The following MYH11 variants were observed in gnomAD, a reference collection of about 807,000 sequenced individuals.
MYH11 encodes myosin-11.
MYH11 carries 80 observed loss-of-function variants against 246.6 expected under a neutral mutation model. The ratio of observed to expected loss-of-function variants is 0.32; its 90% CI spans 0.27 to 0.39. MYH11 has a LOEUF of 0.39. MYH11 is among the 10% of genes least tolerant of loss of function. The pLI is 1.00. For missense variants in MYH11, 2,158 were observed against 2,546.8 expected (o/e 0.85, Z 3.29); for synonymous variants, 1,071 against 1,015.5 (o/e 1.05, Z -1.04).
At chr16:15,803,052 A>G (rs1239451647) in intron 3 of MYH11, among the ~76,000 whole-genome samples, 2 of 151,540 alleles carry the variant, frequency 1.3e-5, no homozygotes, top group African/African-American at 4.8e-5. Context: ...CAGGAGAATC[A>G]CTTGAACCCA....
chr16:15,766,307 A>G (rs1402522562), intron 9 of MYH11, among the ~76,000 whole-genome samples: 3 of 151,472 alleles, frequency 2.0e-5, no homozygotes, highest in Non-Finnish European at 4.4e-5. Flanking sequence ...GATAATGGAA[A>G]CCCAGAGTTT....
intron 34 of MYH11, 118 bp downstream of exon 34, chr16:15,720,033 A>C: frequency 7.2e-7 from 1 of 1,390,982 alleles, no homozygotes; most frequent in Non-Finnish European, 1.0e-6. Flanking sequence ...ACCCCAGCTG[A>C]ACCCACACCA....
intron 25 of MYH11, among the ~76,000 whole-genome samples, chr16:15,736,633 C>T (rs79026200): frequency 5.3e-5 from 8 of 152,212 alleles, no homozygotes; most frequent in East Asian, 1.9e-4. Flanking sequence ...CCTTCATCAC[C>T]GTAGCACTGT....
rs2042477691 is a variant in MYH11, at chr16:15,786,702, G to A, written c.561C>T (p.Asn187=). The change falls in exon 5 of 41, where the codon AAC becomes AAT. Residue 187 remains asparagine, a synonymous_variant. Transcript: ENST00000300036. ...CCAGGTACTGAATGACCTTCTTGGTGTTTTCGGTTTTCCCGGCTCCAGACT... is the reference window on the plus strand; with the variant it reads ...CCAGGTACTGAATGACCTTCTTGGTATTTTCGGTTTTCCCGGCTCCAGACT... ...TGESGAGKTE[N]TKKVIQYLAV... 1 of 1,614,162 alleles carries A rather than the reference G, an allele frequency of 6.2e-7. No homozygotes were observed. Among genetic ancestry groups the A allele is most frequent in the South Asian group, 1.1e-5 (1 of 91,074 alleles).
At chr16:15,722,754 T>C (rs2040551468) in intron 31 of MYH11, among the ~76,000 whole-genome samples, 1 of 152,184 alleles carries the variant, frequency 6.6e-6, no homozygotes, top group Non-Finnish European at 1.5e-5. Context: ...TTTTATTTAT[T>C]TTTGAGACAG....
Position 15,720,137 on chromosome 16 carries a change from C to T in MYH11, c.4953+14G>A, listed in dbSNP as rs987334363. On this transcript the variant is annotated intron_variant, in intron 34 of 40. Transcript: ENST00000300036. ...CTCCCTCCACCCATGCCCCAAGCTC[C>T]TAGTGTCACCCACCTGCAGTTTGCG... 2.5e-6 allele frequency: 4 copies of T among 1,614,134 alleles called. No individual in the cohort carries two copies. Among genetic ancestry groups the T allele is most frequent in the Non-Finnish European group, 1.7e-6 (2 of 1,180,024 alleles).
intron 1 of MYH11, among the ~76,000 whole-genome samples, chr16:15,856,026 T>G (rs1437263571): frequency 6.6e-6 from 1 of 152,154 alleles, no homozygotes; most frequent in East Asian, 1.9e-4. Flanking sequence ...GAAGAAAACT[T>G]ACAACAGGCA....
At chr16:15,793,600 AGTTT>A (rs1197604469) in intron 4 of MYH11, among the ~76,000 whole-genome samples, 4 of 140,394 alleles carry the variant, frequency 2.8e-5, no homozygotes, top group African/African-American at 1.1e-4. Flanking sequence ...GCCAATTTTC[AGTTT>A]CTTTTCTTTT....
intron 40 of MYH11, 86 bp from the exon 41 acceptor site, chr16:15,704,209 G>C (rs1361503136): frequency 7.2e-6 from 11 of 1,520,866 alleles, no homozygotes; most frequent in Non-Finnish European, 9.0e-6. Context: ...TAAACTTGTA[G>C]CTATAGTCCT....
In MYH11 at chr16:15,735,383, G is replaced by C. The variant is rs2041086687; in HGVS notation, c.3489C>G (p.Ala1163=). The C allele has an allele frequency of 6.2e-7, 1 of 1,613,804 alleles. No individual in the cohort carries two copies. The highest frequency in any genetic ancestry group is 8.5e-7 in the Non-Finnish European group (1 of 1,180,034). Residue 1163 remains alanine (A), a synonymous_variant, in exon 26 of 41, where the codon GCC becomes GCG. Transcript: ENST00000300036. The stretch of plus-strand genomic sequence containing the variant: ...CCCCTCACCTGAGCTCCTGCTGAGT[G>C]GCTGTGCTGTCCAGTGTGTCTTCCA... ...TELEDTLDST[A]TQQELRAKRE...
At chr16:15,764,235 C>G (rs187181038) in intron 9 of MYH11, among the ~76,000 whole-genome samples, 5 of 152,240 alleles carry the variant, frequency 3.3e-5, no homozygotes, top group Admixed American at 2.6e-4. Context: ...CAACAAAGAT[C>G]GTCTGGCCTA....
In MYH11 at chr16:15,726,891, T is replaced by C; in HGVS notation, c.3815A>G (p.Glu1272Gly). 6.2e-7 allele frequency: 1 copy of C among 1,612,380 alleles called. No homozygotes were observed. Among genetic ancestry groups the C allele is most frequent in the South Asian group, 1.1e-5 (1 of 91,064 alleles). Reference sequence around the variant, plus strand: ...GTCATTGAGCTCCGCCCGGGCCCGCTCCCCATCGCTGCACTTGGACTGCAG... The same window carrying C: ...GTCATTGAGCTCCGCCCGGGCCCGCCCCCCATCGCTGCACTTGGACTGCAG... ...QELQSKCSDG[E>G]RARAELNDKV... The change falls in exon 28 of 41, where the codon GAG becomes GGG. Residue 1272 changes from glutamate (E) to glycine (G), a missense_variant. Around this residue, in one of 11 missense-constraint regions of MYH11, gnomAD observed 1,013 missense variants for 993.5 expected, o/e 1.02. Transcript: ENST00000300036.
chr16:15,815,062 G>C (rs570503191), intron 3 of MYH11, among the ~76,000 whole-genome samples: 1 of 152,226 alleles, frequency 6.6e-6, no homozygotes, highest in South Asian at 2.1e-4. Context: ...ATGAACAAAA[G>C]ACTGAAAGAC....
chr16:15,797,786 G>C (rs999247459), intron 4 of MYH11, among the ~76,000 whole-genome samples: 11 of 152,052 alleles, frequency 7.2e-5, no homozygotes, highest in African/African-American at 2.7e-4. Context: ...TTGAACAGGG[G>C]AATGCTCTAC....
At chr16:15,724,583 G>A (rs1048341668) in intron 30 of MYH11, 64 bp downstream of exon 30, 28 of 1,610,904 alleles carry the variant, frequency 1.7e-5, no homozygotes, top group African/African-American at 4.0e-5. Flanking sequence ...ATCTGCCTGC[G>A]GGGGATCTCA....
intron 40 of MYH11, 56 bp from the exon 41 acceptor site, chr16:15,704,179 G>A: frequency 5.6e-6 from 9 of 1,603,770 alleles, no homozygotes; most frequent in Non-Finnish European, 7.7e-6. Context: ...GGTTGGGATA[G>A]ATTTTTTATA....
chr16:15,758,543 C>T (rs1434755428), intron 12 of MYH11, among the ~76,000 whole-genome samples: 2 of 151,696 alleles, frequency 1.3e-5, no homozygotes, highest in Non-Finnish European at 2.9e-5. Flanking sequence ...GTGGCTCATA[C>T]CTGTAATCCC....
chr16:15,847,420 T>TC (rs2044223407), intron 1 of MYH11, among the ~76,000 whole-genome samples: 1 of 151,968 alleles, frequency 6.6e-6, no homozygotes, highest in Non-Finnish European at 1.5e-5. Flanking sequence ...CCAGCTATTT[T>TC]CCTGTATTCT....
intron 25 of MYH11, 121 bp downstream of exon 25, chr16:15,737,328 C>T (rs1429736686): frequency 1.3e-5 from 18 of 1,346,762 alleles, no homozygotes; most frequent in Admixed American, 9.4e-5. Flanking sequence ...GCCTGGGAAA[C>T]GAAGTTCATG....
Sources: gnomAD v4.1 joint callset for allele counts (sites outside exome capture counted in the v4.1 genomes callset) on GRCh38, gnomAD v4.1.1 for gene constraint, gnomAD v4.1.1 regional missense constraint, MANE v1.5 for transcripts, NCBI Gene and HGNC (gene_info 2026-07-23, HGNC 2026-07-21) for gene names.